The following SYNJ1 variants were observed in gnomAD, a reference collection of about 807,000 sequenced individuals.
SYNJ1 encodes the protein polyphosphatidylinositol phosphatase SYNJ1.
SYNJ1 carries 78 observed loss-of-function variants against 168.2 expected under a neutral mutation model. The ratio of observed to expected loss-of-function variants is 0.46; its 90% CI spans 0.39 to 0.56. The LOEUF is 0.56. Ranked by LOEUF, SYNJ1 falls within the 20% of genes least tolerant of loss-of-function variation. The pLI is 0.00. For synonymous variants in SYNJ1, 539 were observed against 548.6 expected (o/e 0.98, Z 0.24); for missense variants, 1,303 against 1,597.6 (o/e 0.82, Z 3.14).
chr21:32,645,538 AGAAAAAACT>A (rs2040022937), intron 25 of SYNJ1, 99 bp downstream of exon 25: 1 of 1,358,472 alleles, frequency 7.4e-7, no homozygotes, highest in Non-Finnish European at 9.6e-7. Flanking sequence ...CAATAATGAT[AGAAAAAACT>A]GTAAAATCCA....
At chr21:32,645,457 A>C (rs2040019353) in intron 25 of SYNJ1, among the ~76,000 whole-genome samples, 189 bp downstream of exon 25, 1 of 152,208 alleles carries the variant, frequency 6.6e-6, no homozygotes. Context: ...ACCTTAGAGG[A>C]ATCTACTCTG....
At chr21:32,710,288 G>A (rs1954393956) in intron 2 of SYNJ1, among the ~76,000 whole-genome samples, 1 of 152,144 alleles carries the variant, frequency 6.6e-6, no homozygotes, top group Non-Finnish European at 1.5e-5. Flanking sequence ...GTGTCCATGA[G>A]TTGATATTAT....
At chr21:32,708,085 T>G (rs2042679556) in intron 2 of SYNJ1, among the ~76,000 whole-genome samples, 1 of 152,164 alleles carries the variant, frequency 6.6e-6, no homozygotes. Context: ...AGATTCACAT[T>G]CAACAACTCC....
chr21:32,645,996 A>G (rs1268087626), intron 24 of SYNJ1: 1 of 848,732 alleles, frequency 1.2e-6, no homozygotes, highest in African/African-American at 1.6e-5. Flanking sequence ...CTCTGTGCTG[A>G]CTTCTTACCT....
chr21:32,645,521 G>A, intron 25 of SYNJ1, 125 bp downstream of exon 25: 1 of 1,287,862 alleles, frequency 7.8e-7, no homozygotes, highest in East Asian at 2.8e-5. Flanking sequence ...GAAAAGCTAA[G>A]AAATAGCAAT....
chr21:32,723,042 G>C (rs1487381814), intron 2 of SYNJ1, among the ~76,000 whole-genome samples: 4 of 152,210 alleles, frequency 2.6e-5, no homozygotes, highest in Admixed American at 6.5e-5. Context: ...CAGGGGGCTA[G>C]AGCCCAGACA....
chr21:32,655,264 C>T (rs2145841341), intron 21 of SYNJ1, among the ~76,000 whole-genome samples: 1 of 152,322 alleles, frequency 6.6e-6, no homozygotes, highest in East Asian at 1.9e-4. Context: ...TGCTACTCTG[C>T]TGCCCACTCA....
At chr21:32,676,088 G>A (rs1010694065) in intron 13 of SYNJ1, among the ~76,000 whole-genome samples, 3 of 152,088 alleles carry the variant, frequency 2.0e-5, no homozygotes, top group African/African-American at 4.8e-5. Flanking sequence ...ATCTTTAACT[G>A]GAATTAAGCA....
rs2145647729 is a variant in SYNJ1 at position 32,629,817 on chromosome 21, C to A, written c.*1988G>T. 1 of 152,654 alleles carries A rather than the reference C, an allele frequency of 6.6e-6. No individual in the cohort carries two copies. The highest frequency in any genetic ancestry group is 1.9e-4 in the East Asian group (1 of 5,190). 9.5% of individuals were successfully genotyped at this position (152,654 alleles called of 1,614,324 possible). A position where few individuals can be genotyped will look rare whatever the true frequency, so the allele number is the denominator to read the frequency against. On this transcript the variant is annotated 3_prime_UTR_variant, in exon 33 of 33. Coordinates refer to ENST00000674351, the MANE Select transcript of SYNJ1 (RefSeq NM_203446.3). ...AAATTAATAAAAGCGGGATCAGTTG[C>A]ATATTGGCAGTGCAGGAGACAAAAT... is the stretch of plus-strand genomic sequence containing the variant.
At chr21:32,646,732 G>T in intron 23 of SYNJ1, 130 bp from the exon 24 acceptor site, 2 of 665,426 alleles carry the variant, frequency 3.0e-6, no homozygotes, top group South Asian at 1.8e-5. Context: ...AACACACATG[G>T]ATTAAGCATG....
chr21:32,690,740 T>C lies in SYNJ1; in HGVS notation c.790-2373A>G, dbSNP rs1332903887. Among the ~76,000 whole-genome samples the C allele has an allele frequency of 3.9e-5, 6 of 152,254 alleles. No homozygotes were observed. The East Asian group carries it at 1.2e-3, about 30-fold the overall frequency. ...GAGTTTGAGACCGGCCTGACCAACA[T>C]GGTGAAACCTTGTCTCTACTAAAAT... On this transcript the variant is annotated intron_variant, in intron 6 of 32. Transcript: ENST00000674351.
At chr21:32,724,855 T>C (rs2043388020) in intron 2 of SYNJ1, among the ~76,000 whole-genome samples, 1 of 152,246 alleles carries the variant, frequency 6.6e-6, no homozygotes, top group Non-Finnish European at 1.5e-5. Context: ...CCATTTATGT[T>C]AGCTTTACAG....
chr21:32,647,495 A>G (rs1940965382), intron 23 of SYNJ1, among the ~76,000 whole-genome samples: 1 of 152,160 alleles, frequency 6.6e-6, no homozygotes, highest in African/African-American at 2.4e-5. Flanking sequence ...TGAAATAATA[A>G]ACTCAAAAGC....
At chr21:32,725,584 T>A (rs541087470) in intron 2 of SYNJ1, among the ~76,000 whole-genome samples, 2 of 152,334 alleles carry the variant, frequency 1.3e-5, no homozygotes, top group Admixed American at 1.3e-4. Context: ...CCCATCAAGA[T>A]GCAATTATAC....
chr21:32,726,970 C>G, intron 1 of SYNJ1, 53 bp from the exon 2 acceptor site: 1 of 1,589,028 alleles, frequency 6.3e-7, no homozygotes, highest in Non-Finnish European at 8.6e-7. Context: ...CCTTCTGCAG[C>G]AAGGACTGCA....
intron 18 of SYNJ1, among the ~76,000 whole-genome samples, chr21:32,659,196 A>G (rs2040582038): frequency 2.6e-5 from 4 of 152,078 alleles, no homozygotes; most frequent in Admixed American, 6.5e-5. Context: ...AGAAAAGTCA[A>G]TAACCACAGG....
At position 32,657,761 on chromosome 21, in the gene SYNJ1, C is replaced by T. The variant is rs979822449; in HGVS notation, c.2416G>A (p.Asp806Asn). The T allele has an allele frequency of 6.2e-7, 1 of 1,613,320 alleles. No homozygotes were observed. Among genetic ancestry groups the T allele is most frequent in the African/African-American group, 1.3e-5 (1 of 74,874 alleles). The change falls in exon 19 of 33, where the codon GAC becomes AAC. Residue 806 changes from aspartate (D) to asparagine (N), a missense_variant. Transcript: ENST00000674351. ...SEKCRTPAWT[D>N]RVLWRRRKWP... ...TTCCTCCTTCTCCAAAGGACACGGT[C>T]TGTCCAGGCAGGGGTGCGGCACTTT...
intron 4 of SYNJ1, among the ~76,000 whole-genome samples, chr21:32,699,022 T>A (rs1196798637): frequency 1.4e-5 from 2 of 144,320 alleles, no homozygotes; most frequent in Non-Finnish European, 3.1e-5. Context: ...AGGGGTTTTA[T>A]GTCACATGCC....
chr21:32,632,479 G>GGT (rs1569017357), intron 32 of SYNJ1, among the ~76,000 whole-genome samples: 7 of 150,238 alleles, frequency 4.7e-5, no homozygotes, highest in Non-Finnish European at 7.4e-5. Context: ...TCCACCTCCC[G>GGT]GGTTCAAGTG....
Sources: gnomAD v4.1 joint callset for allele counts (sites outside exome capture counted in the v4.1 genomes callset) on GRCh38, gnomAD v4.1.1 for gene constraint, MANE v1.5 for transcripts, NCBI Gene and HGNC (gene_info 2026-07-23, HGNC 2026-07-21) for gene names.